C10orf67: variants seen among roughly 807,000 people sequenced by gnomAD.
C10orf67 encodes chromosome 10 open reading frame 67.
A neutral mutation model predicts 35.6 loss-of-function variants in C10orf67; 60 were observed. The ratio of observed to expected loss-of-function variants is 1.68; its 90% CI spans 1.37 to 2.09. The LOEUF is 2.09. Ranked by LOEUF, C10orf67 falls within the 30% of genes most tolerant of loss-of-function variation. C10orf67 has a pLI of 0.00. For synonymous variants in C10orf67, 167 were observed against 115.8 expected (o/e 1.44, Z -2.84); for missense variants, 474 against 330.2 (o/e 1.44, Z -3.38).
chr10:23,239,826 T>A lies in C10orf67; in HGVS notation c.1347-10A>T, dbSNP rs1338190216. On this transcript the variant is annotated splice_polypyrimidine_tract_variant and intron_variant, in intron 12 of 15. Coordinates refer to ENST00000636213, the MANE Select transcript of C10orf67 (RefSeq NM_001371909.1). ...CTTAAGGACATGAAAGCTGAAATTT[T>A]AAAAATGATGAAACTTAAAATGTAT... The A allele has an allele frequency of 3.3e-6, 2 of 610,642 alleles. No individual in the cohort carries two copies. Among genetic ancestry groups the A allele is most frequent in the Non-Finnish European group, 6.4e-6 (2 of 311,988 alleles). The allele number at this position is 610,642 out of a possible 1,614,324, so 37.8% of individuals were successfully genotyped here.
intron 12 of C10orf67, among the ~76,000 whole-genome samples, chr10:23,242,082 C>T (rs1416874608): frequency 6.6e-6 from 1 of 152,078 alleles, no homozygotes; most frequent in African/African-American, 2.4e-5. Flanking sequence ...AGCAATTCTC[C>T]TGCCTCAGCC....
At chr10:23,284,230 C>T (rs1843460672) in intron 7 of C10orf67, among the ~76,000 whole-genome samples, 1 of 151,900 alleles carries the variant, frequency 6.6e-6, no homozygotes, top group Admixed American at 6.6e-5. Flanking sequence ...CTGGTCTCCC[C>T]ACTCTGTCTG....
chr10:23,326,800 G>A (rs1405854044), intron 2 of C10orf67, among the ~76,000 whole-genome samples: 1 of 152,024 alleles, frequency 6.6e-6, no homozygotes, highest in Non-Finnish European at 1.5e-5. Context: ...GCTGAACAAA[G>A]GGTCAAAAGA....
At chr10:23,329,796 T>TAAAAAAAAAAAAAAAAAAAAAA in intron 2 of C10orf67, among the ~76,000 whole-genome samples, 1 of 5,254 alleles carries the variant, frequency 1.9e-4, no homozygotes, top group Non-Finnish European at 3.8e-4. Context: ...AGAACTTGTC[T>TAAAAAAAAAAAAAAAAAAAAAA]CAAAAAAAAA....
Position 23,322,447 on chromosome 10 carries a change from G to A in C10orf67, c.418C>T (p.Leu140Phe). The A allele has an allele frequency of 1.9e-6, 3 of 1,610,206 alleles. No homozygotes were observed. Among genetic ancestry groups the A allele is most frequent in the South Asian group, 1.1e-5 (1 of 90,974 alleles). Residue 140 changes from leucine (L) to phenylalanine (F), a missense_variant, in exon 3 of 16, where the codon CTC becomes TTC. Leu to Phe is a conservative substitution (Grantham distance 22, BLOSUM62 0). Coordinates refer to ENST00000636213, the MANE Select transcript of C10orf67 (RefSeq NM_001371909.1). ...EDRLKEESLS[L>F]FTILHDRILE... The stretch of plus-strand genomic sequence containing the variant: ...ATCCTGTCATGCAGAATGGTGAAGA[G>A]ACTCAAAGATTCCTCTTTCAGTCGG...
chr10:23,337,310 G>T (rs76710491), intron 1 of C10orf67, among the ~76,000 whole-genome samples: 1 of 152,206 alleles, frequency 6.6e-6, no homozygotes, highest in South Asian at 2.1e-4. Context: ...GAGGTGGGTG[G>T]GTCACTTGAG....
intron 2 of C10orf67, among the ~76,000 whole-genome samples, chr10:23,331,797 A>G (rs1418227888): frequency 6.6e-6 from 1 of 152,170 alleles, no homozygotes; most frequent in East Asian, 1.9e-4. Context: ...CCGTGTCTCA[A>G]AGAAGGTTCC....
intron 5 of C10orf67, among the ~76,000 whole-genome samples, chr10:23,298,812 G>A (rs535792090): frequency 6.6e-6 from 1 of 152,324 alleles, no homozygotes; most frequent in Non-Finnish European, 1.5e-5. Flanking sequence ...GTGGCTTGAT[G>A]ACACAAGGTT....
At chr10:23,290,347 T>C (rs1016638841) in intron 6 of C10orf67, among the ~76,000 whole-genome samples, 2 of 152,222 alleles carry the variant, frequency 1.3e-5, no homozygotes, top group African/African-American at 4.8e-5. Context: ...GAGACTATAC[T>C]GGCATGGTAG....
At chr10:23,211,697 TA>T (rs1373356802) in intron 15 of C10orf67, among the ~76,000 whole-genome samples, 1 of 152,192 alleles carries the variant, frequency 6.6e-6, no homozygotes, top group Non-Finnish European at 1.5e-5. Flanking sequence ...AAAGTGTTCT[TA>T]AAATAGATAA....
In C10orf67 at chr10:23,223,598, C is replaced by A. The variant is rs746751810; in HGVS notation, c.1570G>T (p.Gly524Trp). The A allele has an allele frequency of 2.8e-6, 2 of 717,356 alleles. No individual in the cohort carries two copies. Among genetic ancestry groups the A allele is most frequent in the Admixed American group, 2.0e-5 (1 of 50,002 alleles). The allele number at this position is 717,356 out of a possible 1,614,324, so 44.4% of individuals were successfully genotyped here. Residue 524 changes from glycine to tryptophan, a missense_variant and splice_region_variant, in exon 15 of 16, where the codon GGG becomes TGG. Transcript: ENST00000636213. ...DQAALQLSPK[G>W]KLSESPKEES... ...CATTTCCAACAATAATGATTCTTAC[C>A]TTTTGGTGAAAGTTGAAGGGCTGCC...
chr10:23,330,961 C>T (rs1278721079), intron 2 of C10orf67, among the ~76,000 whole-genome samples: 5 of 142,120 alleles, frequency 3.5e-5, no homozygotes, highest in African/African-American at 1.0e-4. Context: ...GAAGGAAAAC[C>T]GGGAAGGGAA....
intron 12 of C10orf67, among the ~76,000 whole-genome samples, chr10:23,244,501 G>A (rs931921666): frequency 2.0e-5 from 3 of 152,040 alleles, no homozygotes; most frequent in Non-Finnish European, 4.4e-5. Flanking sequence ...AATAAATTCA[G>A]TAAAGTTACA....
At chr10:23,341,495 T>G (rs1018774219) in intron 1 of C10orf67, among the ~76,000 whole-genome samples, 2 of 152,214 alleles carry the variant, frequency 1.3e-5, no homozygotes, top group African/African-American at 4.8e-5. Flanking sequence ...GCCCTCGTCC[T>G]CACTATAGTC....
At chr10:23,307,861 C>T (rs1286607766) in intron 4 of C10orf67, among the ~76,000 whole-genome samples, 1 of 152,082 alleles carries the variant, frequency 6.6e-6, no homozygotes, top group African/African-American at 2.4e-5. Context: ...TCAAGGGATC[C>T]GCCTGCCTCA....
intron 1 of C10orf67, chr10:23,344,062 C>T (rs1011234717): frequency 7.9e-5 from 23 of 292,112 alleles, no homozygotes; most frequent in Non-Finnish European, 1.3e-4. Flanking sequence ...AGTCGGGAAC[C>T]CGGCGTCCGT....
At chr10:23,321,024 A>G (rs771106932) in intron 3 of C10orf67, among the ~76,000 whole-genome samples, 1 of 152,246 alleles carries the variant, frequency 6.6e-6, no homozygotes, top group Admixed American at 6.5e-5. Context: ...GAGAGATCAT[A>G]TAGATAAAAT....
chr10:23,304,647 A>T (rs762400116), intron 4 of C10orf67, among the ~76,000 whole-genome samples: 1 of 152,096 alleles, frequency 6.6e-6, no homozygotes, highest in Non-Finnish European at 1.5e-5. Context: ...AGTGTAAGCC[A>T]TGAAGCAGCC....
At chr10:23,291,344 A>T in intron 5 of C10orf67, 65 bp from the exon 6 acceptor site, 1 of 654,238 alleles carries the variant, frequency 1.5e-6, no homozygotes. Context: ...CAAGACAAGG[A>T]CAATACAGAT....
Sources: allele counts gnomAD v4.1 joint callset (sites outside exome capture counted in the v4.1 genomes callset), GRCh38; gene constraint gnomAD v4.1.1; transcripts MANE v1.5; gene names NCBI Gene and HGNC (gene_info 2026-07-23, HGNC 2026-07-21).